Variants in HCRTR2 observed in about 807,000 individuals in gnomAD.
HCRTR2 encodes hypocretin receptor 2.
Under a neutral mutation model 49.0 loss-of-function variants are expected in HCRTR2, and 22 were observed. That is an observed-to-expected ratio of 0.45 (90% CI 0.32 to 0.64). The LOEUF (loss-of-function observed/expected upper bound fraction) is 0.64, where lower values mean the gene tolerates loss of function less well. HCRTR2 is among the 30% of genes least tolerant of loss of function. The pLI is 0.04. For synonymous variants in HCRTR2, 236 were observed against 205.3 expected, an observed-to-expected ratio of 1.15 and a Z score of -1.28; for missense variants, 491 against 559.4, an observed-to-expected ratio of 0.88 and a Z score of 1.23.
chr6:55,184,515 C>A (rs1765184682), intron 1 of HCRTR2, among the ~76,000 whole-genome samples: 1 of 152,144 alleles, frequency 6.6e-6, no homozygotes, highest in African/African-American at 2.4e-5. Flanking sequence ...CCACTTCTTT[C>A]TAAATTTTCT....
chr6:55,170,868 T>C (rs12333106), upstream of HCRTR2, among the ~76,000 whole-genome samples: 24,803 of 151,756 alleles, frequency 0.16, 2,338 homozygotes, highest in Non-Finnish European at 0.22. Context: ...TTGCTGAGAA[T>C]CATGGTTTCC....
chr6:55,143,916 T>C (rs1764543159), intron 1 of HCRTR2, among the ~76,000 whole-genome samples: 1 of 152,158 alleles, frequency 6.6e-6, no homozygotes. Flanking sequence ...GCTTTTGCTC[T>C]CAATCTAGCC....
chr6:55,275,072 A>T (rs1282556581), intron 4 of HCRTR2, among the ~76,000 whole-genome samples: 1 of 152,144 alleles, frequency 6.6e-6, no homozygotes, highest in African/African-American at 2.4e-5. Flanking sequence ...TTGTTTATTC[A>T]TAATGTTTTT....
chr6:55,140,588 A>C (rs770987406), intron 1 of HCRTR2, among the ~76,000 whole-genome samples: 16 of 152,160 alleles, frequency 1.1e-4, no homozygotes, highest in African/African-American at 3.9e-4. Context: ...TATAATCACA[A>C]CTGGCATTTA....
chr6:55,145,112 C>A (rs547167234), intron 1 of HCRTR2, among the ~76,000 whole-genome samples: 12 of 151,544 alleles, frequency 7.9e-5, no homozygotes, highest in Non-Finnish European at 1.3e-4. Context: ...TTACCAAATT[C>A]TGTTTAAATG....
chr6:55,238,264 T>C (rs1215636433), intron 1 of HCRTR2, among the ~76,000 whole-genome samples: 1 of 152,128 alleles, frequency 6.6e-6, no homozygotes, highest in African/African-American at 2.4e-5. Flanking sequence ...CATCCTCATA[T>C]CTAATCCCTC....
intron 1 of HCRTR2, among the ~76,000 whole-genome samples, chr6:55,241,688 G>GT (rs1294244504): frequency 6.6e-6 from 1 of 151,778 alleles, no homozygotes. Flanking sequence ...TGGAACTAAG[G>GT]TTTTTGGAAA....
chr6:55,168,054 C>A (rs1764901358), intron 1 of HCRTR2, among the ~76,000 whole-genome samples: 1 of 152,200 alleles, frequency 6.6e-6, no homozygotes, highest in Non-Finnish European at 1.5e-5. Flanking sequence ...GAAGGAATTA[C>A]TCCCTTCAAT....
chr6:55,278,753 TTA>T, intron 5 of HCRTR2, among the ~76,000 whole-genome samples: 1 of 145,648 alleles, frequency 6.9e-6, no homozygotes, highest in East Asian at 2.1e-4. Context: ...ATTATTATTA[TTA>T]TTTTTGCTAA....
chr6:55,160,161 G>C (rs1317223564), intron 1 of HCRTR2, among the ~76,000 whole-genome samples: 1 of 152,196 alleles, frequency 6.6e-6, no homozygotes, highest in Non-Finnish European at 1.5e-5. Context: ...CTACAAGCCA[G>C]AAGAGAGTGA....
intron 1 of HCRTR2, among the ~76,000 whole-genome samples, chr6:55,228,687 G>A (rs1198851195): frequency 6.6e-6 from 1 of 152,048 alleles, no homozygotes; most frequent in African/African-American, 2.4e-5. Context: ...TCAACTTTCT[G>A]TATTAAGTAC....
At chr6:55,264,224 T>C (rs1766821794) in intron 4 of HCRTR2, among the ~76,000 whole-genome samples, 1 of 152,082 alleles carries the variant, frequency 6.6e-6, no homozygotes, top group Non-Finnish European at 1.5e-5. Context: ...AAGGTTATAT[T>C]TGTAATCAGA....
rs1766631631 is a variant in HCRTR2 at position 55,255,329 on chromosome 6, G to T, written c.596G>T (p.Gly199Val). Residue 199 changes from glycine to valine, a missense_variant, in exon 3 of 7, where the codon GGC becomes GTC. By Grantham distance (109) the Gly-to-Val change is moderately radical. Transcript: ENST00000370862. ...ATGGAGTGCAGCACCGTGTTCCCAGGCTTAGCCAATAAAACCACCCTCTTT... is the reference window on the plus strand; with the variant it reads ...ATGGAGTGCAGCACCGTGTTCCCAGTCTTAGCCAATAAAACCACCCTCTTT... ...IVMECSTVFP[G>V]LANKTTLFTV... is the part of the protein sequence containing the mutation. The T allele has an allele frequency of 6.2e-7, 1 of 1,614,046 alleles. No individual in the cohort carries two copies. Among genetic ancestry groups the T allele is most frequent in the Non-Finnish European group, 8.5e-7 (1 of 1,179,968 alleles).
intron 1 of HCRTR2, among the ~76,000 whole-genome samples, chr6:55,132,202 T>C (rs1764368273): frequency 6.6e-6 from 1 of 151,908 alleles, no homozygotes; most frequent in African/African-American, 2.4e-5. Context: ...ATATGATTTG[T>C]TAATTTAATA....
In HCRTR2 at chr6:55,188,031, C is replaced by T. The variant is rs542946243; in HGVS notation, c.223+13221C>T. Among the ~76,000 whole-genome samples the T allele has an allele frequency of 1.4e-3, 210 of 152,294 alleles. 3 individuals are homozygous for T. The East Asian group carries it at 0.014, about 10-fold the overall frequency. On this transcript the variant is annotated intron_variant, in intron 1 of 6. Transcript: ENST00000370862. ...TCTCCTGACCTCGTGATCCACCCGC[C>T]TCAGCCTCCCAAAGTGCTGGGATTA... is the stretch of plus-strand genomic sequence containing the variant.
intron 1 of HCRTR2, among the ~76,000 whole-genome samples, chr6:55,201,444 G>A (rs1765512119): frequency 6.6e-6 from 1 of 151,908 alleles, no homozygotes; most frequent in Non-Finnish European, 1.5e-5. Context: ...ACTCATATAT[G>A]TTCACTTCAA....
intron 1 of HCRTR2, among the ~76,000 whole-genome samples, chr6:55,108,702 G>A (rs1764008434): frequency 6.6e-6 from 1 of 151,994 alleles, no homozygotes; most frequent in African/African-American, 2.4e-5. Context: ...TTATTTCACA[G>A]GTGTCCTTGG....
chr6:55,200,769 A>G (rs951472318), intron 1 of HCRTR2, among the ~76,000 whole-genome samples: 6 of 152,174 alleles, frequency 3.9e-5, no homozygotes. Context: ...TTTCTATATT[A>G]TTGTATATTC....
chr6:55,225,305 G>C (rs757609732), intron 1 of HCRTR2, among the ~76,000 whole-genome samples: 57 of 152,116 alleles, frequency 3.7e-4, no homozygotes, highest in Non-Finnish European at 5.1e-4. Flanking sequence ...TTTACAAATG[G>C]TGTATCTGAT....
Sources: gnomAD v4.1 joint callset for allele counts (sites outside exome capture counted in the v4.1 genomes callset) on GRCh38, gnomAD v4.1.1 for gene constraint, MANE v1.5 for transcripts, NCBI Gene and HGNC (gene_info 2026-07-23, HGNC 2026-07-21) for gene names.